Variants in ANKRD36C observed in about 807,000 individuals in gnomAD.
ANKRD36C encodes ankyrin repeat domain-containing protein 36C.
ANKRD36C carries 61 observed loss-of-function variants against 276.4 expected under a neutral mutation model. The observed-to-expected ratio is 0.22, with a 90% CI of 0.18 to 0.27. ANKRD36C has a LOEUF of 0.27. ANKRD36C is among the 10% of genes least tolerant of loss of function. The pLI, the probability that ANKRD36C is intolerant of heterozygous loss-of-function variation, is 1.00. For synonymous variants in ANKRD36C, 483 were observed against 680.1 expected, an observed-to-expected ratio of 0.71 and a Z score of 4.51; for missense variants, 1,447 against 2,032.3, an observed-to-expected ratio of 0.71 and a Z score of 5.54.
Position 95,917,788 on chromosome 2 carries a change from A to C in ANKRD36C, c.2347+67T>G, listed in dbSNP as rs1286716753. The C allele has an allele frequency of 6.5e-6, 10 of 1,535,360 alleles. 2 individuals are homozygous for C. The highest frequency in any genetic ancestry group is 4.6e-4 in the Middle Eastern group (2 of 4,322). ...ACCCCCAACCGCCCTCCGCTGATTT[A>C]TTCAGGGTAGAGAAGTTCTTTTCTA... On this transcript the variant is annotated intron_variant, in intron 36 of 66. Coordinates refer to ENST00000456556, the Ensembl canonical transcript of ANKRD36C.
rs913085649 is a variant in ANKRD36C at position 95,896,309 on chromosome 2, A to G, written c.2755+2836T>C. ...TATCATCAATTGTCAACTTTGACAT[A>G]CTTCTACAAAGTCAAATGGCTACAA... On this transcript the variant is annotated intron_variant, in intron 44 of 66. Coordinates refer to ENST00000456556, the Ensembl canonical transcript of ANKRD36C. Among the ~76,000 whole-genome samples the G allele has an allele frequency of 6.7e-5, 10 of 149,626 alleles. 1 individual carries two copies. The highest frequency in any genetic ancestry group is 2.0e-4 in the Admixed American group (3 of 14,970).
At chr2:95,856,222 A>T (rs1031876029) in intron 62 of ANKRD36C, 42 bp from the exon 83 acceptor site, 9 of 1,578,256 alleles carry the variant, frequency 5.7e-6, no homozygotes, top group Non-Finnish European at 7.7e-6. Flanking sequence ...ATCCAATAGG[A>T]TAACATATTG....
chr2:95,915,274 T>C (rs916414268), intron 38 of ANKRD36C, among the ~76,000 whole-genome samples: 2 of 151,618 alleles, frequency 1.3e-5, no homozygotes. Context: ...ATCTCATTTC[T>C]ATAACTAAAA....
intron 32 of ANKRD36C, among the ~76,000 whole-genome samples, chr2:95,922,066 A>G (rs1351417210): frequency 6.6e-6 from 1 of 151,650 alleles, no homozygotes; most frequent in African/African-American, 2.4e-5. Context: ...ATCAGTGTGA[A>G]TATCAAAAAG....
chr2:95,961,643 G>T (rs1306955758), intron 8 of ANKRD36C, among the ~76,000 whole-genome samples: 1 of 151,908 alleles, frequency 6.6e-6, no homozygotes, highest in Non-Finnish European at 1.5e-5. Flanking sequence ...TAGCCTATTT[G>T]AATAGCTAAT....
chr2:95,903,245 T>C (rs181677662), intron 42 of ANKRD36C, among the ~76,000 whole-genome samples, 164 bp from the exon 53 acceptor site: 1 of 150,602 alleles, frequency 6.6e-6, no homozygotes, highest in Admixed American at 6.6e-5. Flanking sequence ...GGAAATATGC[T>C]GAGAAAAGGG....
chr2:95,943,533 A>C (rs1164357810), intron 19 of ANKRD36C, among the ~76,000 whole-genome samples: 1 of 150,058 alleles, frequency 6.7e-6, no homozygotes, highest in African/African-American at 2.4e-5. Flanking sequence ...ATTTATGTAT[A>C]AATTAATTTT....
chr2:95,876,249 C>T (rs914331763), intron 59 of ANKRD36C, among the ~76,000 whole-genome samples, 190 bp downstream of exon 79: 5 of 152,144 alleles, frequency 3.3e-5, no homozygotes, highest in African/African-American at 1.2e-4. Context: ...AGATAAGATA[C>T]AAGTTGCTAT....
At chr2:95,939,800 G>C (rs796586569) in intron 20 of ANKRD36C, among the ~76,000 whole-genome samples, 7,231 of 98,484 alleles carry the variant, frequency 0.073, no homozygotes, top group South Asian at 0.12. Context: ...GAGAAAAATC[G>C]TTTCTAAAAA....
chr2:95,892,716 GTTGGGAGTATCACGT>G (rs1217789994), intron 44 of ANKRD36C, among the ~76,000 whole-genome samples: 2 of 151,210 alleles, frequency 1.3e-5, no homozygotes, highest in Non-Finnish European at 3.0e-5. Flanking sequence ...AAATAGCCTT[GTTGGGAGTATCACGT>G]TGTTCTCTAA....
intron 40 of ANKRD36C, 80 bp downstream of exon 42, chr2:95,914,028 C>T: frequency 3.7e-6 from 5 of 1,364,496 alleles, no homozygotes; most frequent in South Asian, 2.6e-5. Context: ...CTTCAACGAG[C>T]CCCCCGCTGA....
intron 6 of ANKRD36C, among the ~76,000 whole-genome samples, chr2:95,973,046 G>C (rs1333982243): frequency 2.0e-5 from 3 of 151,916 alleles, no homozygotes; most frequent in African/African-American, 7.3e-5. Flanking sequence ...AAAGTTTGAG[G>C]CTGCAGTGGA....
chr2:95,983,218 G>A (rs1435556273), intron 3 of ANKRD36C, among the ~76,000 whole-genome samples: 11 of 151,450 alleles, frequency 7.3e-5, no homozygotes, highest in Non-Finnish European at 1.3e-4. Flanking sequence ...TCGGAGAGCC[G>A]GGCTCTGAAT....
intron 46 of ANKRD36C, 49 bp downstream of exon 66, chr2:95,891,616 T>G: frequency 6.5e-7 from 1 of 1,527,532 alleles, no homozygotes. Flanking sequence ...GAAGAGAATT[T>G]CTTATCTATC....
chr2:95,918,808 T>C (rs1434137671), intron 34 of ANKRD36C, among the ~76,000 whole-genome samples: 5 of 151,282 alleles, frequency 3.3e-5, no homozygotes, highest in Admixed American at 1.3e-4. Context: ...GAGCAGTTTT[T>C]CATTCAGAAA....
chr2:95,942,231 T>G (rs1677913202), intron 19 of ANKRD36C, among the ~76,000 whole-genome samples: 1 of 152,306 alleles, frequency 6.6e-6, no homozygotes, highest in African/African-American at 2.4e-5. Flanking sequence ...ATTCGATAAT[T>G]TAAACCTATG....
At position 95,910,370 on chromosome 2, in the gene ANKRD36C, T is replaced by C; in HGVS notation, c.2653+1874A>G. On this transcript the variant is annotated intron_variant, in intron 42 of 66. Transcript: ENST00000456556. ...ACGACATTAAATCTGTTTTCAAAATTACCTGTCCTAGATTTTTCTCCATCC... is the reference window on the plus strand; with the variant it reads ...ACGACATTAAATCTGTTTTCAAAATCACCTGTCCTAGATTTTTCTCCATCC... The C allele has an allele frequency of 2.0e-6, 3 of 1,536,630 alleles. No individual in the cohort carries two copies. The highest frequency in any genetic ancestry group is 1.8e-4 in the Middle Eastern group (1 of 5,660).
At chr2:95,916,883 G>T (rs1677113666) in intron 36 of ANKRD36C, among the ~76,000 whole-genome samples, 1 of 151,588 alleles carries the variant, frequency 6.6e-6, no homozygotes, top group South Asian at 2.1e-4. Flanking sequence ...TATCAATTTT[G>T]ACATACGTAT....
At chr2:95,948,233 G>T (rs1396518422) in intron 17 of ANKRD36C, among the ~76,000 whole-genome samples, 7 of 151,978 alleles carry the variant, frequency 4.6e-5, no homozygotes, top group Non-Finnish European at 1.0e-4. Flanking sequence ...ACCAAAATTT[G>T]TATCTCCTCT....
Sources: gnomAD v4.1 joint callset for allele counts (sites outside exome capture counted in the v4.1 genomes callset) on GRCh38, gnomAD v4.1.1 for gene constraint, MANE v1.5 for transcripts, NCBI Gene and HGNC (gene_info 2026-07-23, HGNC 2026-07-21) for gene names.